The following LRBA variants were observed in gnomAD, a reference collection of about 807,000 sequenced individuals.
LRBA encodes LPS responsive beige-like anchor protein, also known as lipopolysaccharide-responsive and beige-like anchor protein.
A neutral mutation model predicts 330.0 loss-of-function variants in LRBA; 176 were observed. The ratio of observed to expected loss-of-function variants is 0.53; its 90% CI spans 0.47 to 0.60. The LOEUF (loss-of-function observed/expected upper bound fraction) is 0.60. Among genes scored for constraint, LRBA ranks in the 20% least tolerant of loss-of-function variants. The probability of loss-of-function intolerance (pLI) is 0.00; values close to 1 mark genes in which losing one functional copy is unlikely to be tolerated. For synonymous variants in LRBA, 1,230 were observed against 1,193.0 expected (o/e 1.03, Z -0.64); for missense variants, 3,259 against 3,444.8 (o/e 0.95, Z 1.35).
Position 150,315,569 on chromosome 4 carries a change from G to A in LRBA, c.7685C>T (p.Pro2562Leu), listed in dbSNP as rs762796478. The change falls in exon 51 of 57, where the codon CCT becomes CTT. Residue 2562 changes from proline (P) to leucine (L), a missense_variant. Coordinates refer to ENST00000651943, the MANE Select transcript of LRBA (RefSeq NM_001364905.1). ...AGAAGGAAGTGACAGACCTATGAGA[G>A]GATCGATTTCCACTGGCAGCTGGTA... ...QPYQLPVEIDPLIASNTGMHR... is the reference protein window; with the variant it reads ...QPYQLPVEIDLLIASNTGMHR... The A allele has an allele frequency of 6.2e-7, 1 of 1,611,940 alleles. No individual in the cohort carries two copies.
chr4:150,335,491 GTA>G (rs140639293), intron 48 of LRBA, among the ~76,000 whole-genome samples: 6,244 of 143,926 alleles, frequency 0.043, 347 homozygotes, highest in African/African-American at 0.12. Context: ...ATATGTGTGT[GTA>G]TATATATATA....
At chr4:150,641,200 ATAAT>A (rs1425299376) in intron 37 of LRBA, among the ~76,000 whole-genome samples, 1 of 152,206 alleles carries the variant, frequency 6.6e-6, no homozygotes, top group Non-Finnish European at 1.5e-5. Flanking sequence ...TCGCAGTAAT[ATAAT>A]TAATTATATG....
At chr4:150,290,053 G>A (rs561912427) in intron 53 of LRBA, among the ~76,000 whole-genome samples, 1 of 152,250 alleles carries the variant, frequency 6.6e-6, no homozygotes, top group East Asian at 1.9e-4. Context: ...ACATCCCACA[G>A]AAAGGAAAGG....
At chr4:150,792,928 A>G (rs1253596368) in intron 34 of LRBA, among the ~76,000 whole-genome samples, 1 of 152,100 alleles carries the variant, frequency 6.6e-6, no homozygotes, top group Admixed American at 6.5e-5. Flanking sequence ...TAAAAATACA[A>G]AATTAGCCAG....
At chr4:150,700,975 G>T (rs1785064411) in intron 36 of LRBA, among the ~76,000 whole-genome samples, 1 of 152,040 alleles carries the variant, frequency 6.6e-6, no homozygotes, top group Admixed American at 6.6e-5. Flanking sequence ...GCCCAAGCTG[G>T]TCTCAAACTC....
chr4:150,638,039 T>C (rs954358686), intron 37 of LRBA, among the ~76,000 whole-genome samples: 1 of 152,124 alleles, frequency 6.6e-6, no homozygotes, highest in Admixed American at 6.5e-5. Flanking sequence ...GTTTGGGGCA[T>C]ACTAGCATCC....
rs149352162 is a variant in LRBA, at chr4:150,834,816, A to G, written c.4570-2840T>C. Among the ~76,000 whole-genome samples, 13 of 152,208 alleles carry G rather than the reference A, an allele frequency of 8.5e-5. No homozygotes were observed. In the East Asian group the frequency reaches 2.5e-3, roughly 29 times the overall value. On this transcript the variant is annotated intron_variant, in intron 28 of 56. Coordinates refer to ENST00000651943, the MANE Select transcript of LRBA (RefSeq NM_001364905.1). ...ACATTGTAGGATGGTATCTTCTTCC[A>G]ATAAAAGGTGTTTTGGCTTTTGTTG...
At chr4:150,798,856 T>A (rs1470911150) in intron 33 of LRBA, among the ~76,000 whole-genome samples, 2 of 152,174 alleles carry the variant, frequency 1.3e-5, no homozygotes, top group African/African-American at 4.8e-5. Context: ...TTAAAGGGAC[T>A]AAATTATTAA....
intron 40 of LRBA, among the ~76,000 whole-genome samples, chr4:150,586,454 C>G (rs534816319): frequency 8.3e-4 from 126 of 152,220 alleles, no homozygotes; most frequent in Non-Finnish European, 1.2e-3. Flanking sequence ...ATTTACAGAA[C>G]ACCTTAAAGC....
chr4:150,639,834 T>C lies in LRBA; in HGVS notation c.5922-40703A>G, dbSNP rs1448124931. 3.7e-4 allele frequency among the ~76,000 whole-genome samples: 9 copies of C among 24,182 alleles called. 1 individual carries two copies. Among genetic ancestry groups the C allele is most frequent in the African/African-American group, 8.1e-4 (8 of 9,892 alleles). The allele number at this position is 24,182 out of a possible 152,430, so 15.9% of individuals were successfully genotyped here. A position where few individuals can be genotyped will look rare whatever the true frequency, so the allele number is the denominator to read the frequency against. ...GTGTGTGTGTGTATATATATATATA[T>C]ATATATATATATATATATATATATA... is the stretch of plus-strand genomic sequence containing the variant. On this transcript the variant is annotated intron_variant, in intron 37 of 56. Coordinates refer to ENST00000651943, the MANE Select transcript of LRBA (RefSeq NM_001364905.1).
At chr4:150,317,915 T>C (rs145402879) in intron 50 of LRBA, among the ~76,000 whole-genome samples, 1 of 152,290 alleles carries the variant, frequency 6.6e-6, no homozygotes, top group African/African-American at 2.4e-5. Flanking sequence ...CGATTTCATA[T>C]GGTTTCAACC....
At chr4:150,819,420 C>CAA (rs112942084) in intron 30 of LRBA, among the ~76,000 whole-genome samples, 1 of 141,122 alleles carries the variant, frequency 7.1e-6, no homozygotes, top group Non-Finnish European at 1.6e-5. Context: ...AATTTTAGCT[C>CAA]AAAAAAAAAA....
intron 34 of LRBA, among the ~76,000 whole-genome samples, chr4:150,781,158 C>T (rs1199635253): frequency 6.6e-6 from 1 of 152,180 alleles, no homozygotes; most frequent in Non-Finnish European, 1.5e-5. Context: ...GGATTACAGG[C>T]GTGAGCCACC....
intron 34 of LRBA, among the ~76,000 whole-genome samples, chr4:150,788,983 A>C (rs1739503317): frequency 6.6e-6 from 1 of 151,890 alleles, no homozygotes; most frequent in African/African-American, 2.4e-5. Flanking sequence ...CTGAGGCAGG[A>C]GAATCACTTG....
intron 52 of LRBA, 60 bp from the exon 53 acceptor site, chr4:150,302,852 C>T (rs1729854608): frequency 7.8e-7 from 1 of 1,281,932 alleles, no homozygotes; most frequent in East Asian, 2.5e-5. Flanking sequence ...TTCTAGTGAA[C>T]AGATAACTTG....
intron 34 of LRBA, among the ~76,000 whole-genome samples, chr4:150,787,188 C>G (rs1050432968): frequency 1.3e-5 from 2 of 151,694 alleles, no homozygotes; most frequent in Non-Finnish European, 2.9e-5. Flanking sequence ...CCACTGCACT[C>G]CAGCGTGGGT....
chr4:150,733,456 C>T (rs1163031942), intron 36 of LRBA, among the ~76,000 whole-genome samples: 1 of 151,894 alleles, frequency 6.6e-6, no homozygotes, highest in Non-Finnish European at 1.5e-5. Context: ...AAAAATTTAA[C>T]AATCACAAGA....
chr4:150,559,914 A>AATATATATATC (rs1768068763), intron 40 of LRBA, among the ~76,000 whole-genome samples: 1 of 70,084 alleles, frequency 1.4e-5, no homozygotes, highest in Non-Finnish European at 2.7e-5. Context: ...ATTATATATA[A>AATATATATATC]TATATAAATA....
chr4:150,990,494 A>G (rs548143568), intron 2 of LRBA, among the ~76,000 whole-genome samples: 3 of 152,272 alleles, frequency 2.0e-5, no homozygotes, highest in African/African-American at 7.2e-5. Flanking sequence ...TTAGGAGACC[A>G]AAGTGGGAGA....
Sources: allele counts gnomAD v4.1 joint callset (sites outside exome capture counted in the v4.1 genomes callset), GRCh38; gene constraint gnomAD v4.1.1; transcripts MANE v1.5; gene names NCBI Gene and HGNC (gene_info 2026-07-23, HGNC 2026-07-21).